Variants in GPRIN3 observed in about 807,000 individuals in gnomAD.
GPRIN3 encodes GPRIN family member 3.
GPRIN3 carries 12 observed loss-of-function variants against 13.7 expected under a neutral mutation model. The ratio of observed to expected loss-of-function variants is 0.87; its 90% CI spans 0.56 to 1.42. The LOEUF is 1.42. Among genes scored for constraint, GPRIN3 ranks in the 40% most tolerant of loss-of-function variants. The pLI, the probability that GPRIN3 is intolerant of heterozygous loss-of-function variation, is 0.00. For synonymous variants in GPRIN3, 377 were observed against 372.7 expected (o/e 1.01, Z -0.13); for missense variants, 1,009 against 958.7 (o/e 1.05, Z -0.69).
At chr4:89,257,881 A>C (rs1414037366) in intron 1 of GPRIN3, among the ~76,000 whole-genome samples, 1 of 152,080 alleles carries the variant, frequency 6.6e-6, no homozygotes, top group Non-Finnish European at 1.5e-5. Flanking sequence ...AAATCTTCAT[A>C]ATGATTAATC....
chr4:89,269,710 C>A lies in GPRIN3; in HGVS notation c.-123-19477G>T, dbSNP rs186590506. The stretch of plus-strand genomic sequence containing the variant: ...CAAACCTACTCAACTGTTGAAAAAA[C>A]CATGAGGATTGTGCAGTAGGAATTT... On this transcript the variant is annotated intron_variant, in intron 1 of 1. Coordinates refer to ENST00000609438, the MANE Select transcript of GPRIN3 (RefSeq NM_198281.3). Among the ~76,000 whole-genome samples, 302 of 152,220 alleles carry A rather than the reference C, an allele frequency of 2.0e-3. 12 individuals are homozygous for A. The South Asian group carries it at 0.056, about 28-fold the overall frequency.
intron 1 of GPRIN3, among the ~76,000 whole-genome samples, chr4:89,288,634 G>A (rs1724488680): frequency 6.6e-6 from 1 of 152,140 alleles, no homozygotes; most frequent in Non-Finnish European, 1.5e-5. Context: ...AAAACAATAT[G>A]CTCTTGTCAG....
Position 89,241,501 on chromosome 4 carries a change from C to T in GPRIN3, c.*6279G>A, listed in dbSNP as rs1722945595. On this transcript the variant is annotated 3_prime_UTR_variant, in exon 2 of 2. Coordinates refer to ENST00000609438, the MANE Select transcript of GPRIN3 (RefSeq NM_198281.3). ...CACATTAGTACAGCAGAGATACACA[C>T]ATTTAGAAAATTAGTAATTGCTAGT... The T allele has an allele frequency of 6.6e-6, 1 of 152,176 alleles. No individual in the cohort carries two copies. The highest frequency in any genetic ancestry group is 2.4e-5 in the African/African-American group (1 of 41,438). The allele number at this position is 152,176 out of a possible 1,614,324, so 9.4% of individuals were successfully genotyped here. A position where few individuals can be genotyped will look rare whatever the true frequency, so the allele number is the denominator to read the frequency against.
intron 1 of GPRIN3, among the ~76,000 whole-genome samples, chr4:89,271,529 T>C (rs889437724): frequency 6.6e-6 from 1 of 152,188 alleles, no homozygotes; most frequent in African/African-American, 2.4e-5. Context: ...CCAAATACAA[T>C]GTAAATGCTA....
chr4:89,290,945 A>G (rs1724554637), intron 1 of GPRIN3, among the ~76,000 whole-genome samples: 1 of 152,190 alleles, frequency 6.6e-6, no homozygotes, highest in South Asian at 2.1e-4. Flanking sequence ...TTTAGGCAAC[A>G]GAACTGTCAG....
intron 1 of GPRIN3, among the ~76,000 whole-genome samples, chr4:89,261,042 T>C (rs1723607970): frequency 6.6e-6 from 1 of 151,944 alleles, no homozygotes; most frequent in African/African-American, 2.4e-5. Flanking sequence ...CCTATAGAAG[T>C]ACAGAGGATT....
chr4:89,299,014 A>C (rs893782582), intron 1 of GPRIN3, among the ~76,000 whole-genome samples: 4 of 152,162 alleles, frequency 2.6e-5, no homozygotes, highest in African/African-American at 9.7e-5. Flanking sequence ...GGAATAGCAG[A>C]ACAGTTTCTT....
rs1025458522 is a variant in GPRIN3, at chr4:89,247,626, G to C, written c.*154C>G. ...GACATTTTTGTTTATAGAGCTCCAG[G>C]TCAAAGGATCTAACAATTTTTAATA... On this transcript the variant is annotated 3_prime_UTR_variant, in exon 2 of 2. Transcript: ENST00000609438. 41 of 646,134 alleles carry C rather than the reference G, an allele frequency of 6.3e-5. No homozygotes were observed. The African/African-American group carries it at 7.0e-4, about 11-fold the overall frequency. 40.0% of individuals were successfully genotyped at this position (646,134 alleles called of 1,614,324 possible).
At chr4:89,293,674 T>A (rs1379988648) in intron 1 of GPRIN3, among the ~76,000 whole-genome samples, 1 of 152,186 alleles carries the variant, frequency 6.6e-6, no homozygotes, top group East Asian at 1.9e-4. Context: ...TCCTGCAGGT[T>A]CTCCCTTGCT....
rs1723112184 is a variant in GPRIN3, at chr4:89,246,738, A to T, written c.*1042T>A. 1 of 152,186 alleles carries T rather than the reference A, an allele frequency of 6.6e-6. No individual in the cohort carries two copies. Among genetic ancestry groups the T allele is most frequent in the Admixed American group, 6.5e-5 (1 of 15,278 alleles). 9.4% of individuals were successfully genotyped at this position (152,186 alleles called of 1,614,324 possible). The stretch of plus-strand genomic sequence containing the variant: ...TTTGTTACTGGAAGTTACTGAACCC[A>T]ATTAAAAAAAATCACTAATTGCATC... On this transcript the variant is annotated 3_prime_UTR_variant, in exon 2 of 2. Coordinates refer to ENST00000609438, the MANE Select transcript of GPRIN3 (RefSeq NM_198281.3).
intron 1 of GPRIN3, among the ~76,000 whole-genome samples, chr4:89,283,527 C>T (rs940576500): frequency 1.3e-5 from 2 of 152,148 alleles, no homozygotes; most frequent in African/African-American, 4.8e-5. Context: ...TGCCAGTCCT[C>T]ACCTTCAGGA....
At chr4:89,258,788 C>T (rs935749831) in intron 1 of GPRIN3, among the ~76,000 whole-genome samples, 27 of 152,300 alleles carry the variant, frequency 1.8e-4, no homozygotes, top group African/African-American at 6.3e-4. Context: ...TGCCAAGGCG[C>T]CCTACGTCGG....
rs995633779 is a variant in GPRIN3 at position 89,237,755 on chromosome 4, AC to A, written c.*10024del. 4 of 152,202 alleles carry A rather than the reference AC, an allele frequency of 2.6e-5. No individual in the cohort carries two copies. The highest frequency in any genetic ancestry group is 9.7e-5 in the African/African-American group (4 of 41,446). 9.4% of individuals were successfully genotyped at this position (152,202 alleles called of 1,614,324 possible). ...ATCTTATATTGTTTACAAAAGGCAA[AC>A]CCTTCACAAGAAACAAGAGGTATTT... On this transcript the variant is annotated 3_prime_UTR_variant, in exon 2 of 2. Coordinates refer to ENST00000609438, the MANE Select transcript of GPRIN3 (RefSeq NM_198281.3).
In GPRIN3 at chr4:89,247,183, T is replaced by C. The variant is rs761135729; in HGVS notation, c.*597A>G. 1.3e-5 allele frequency: 2 copies of C among 152,246 alleles called. No individual in the cohort carries two copies. Among genetic ancestry groups the C allele is most frequent in the Non-Finnish European group, 2.9e-5 (2 of 68,046 alleles). The allele number at this position is 152,246 out of a possible 1,614,324, so 9.4% of individuals were successfully genotyped here. A position where few individuals can be genotyped will look rare whatever the true frequency, so the allele number is the denominator to read the frequency against. ...ATAAAAAGAGTTGTCTGCAGATGTTTATAAACATTAATTCATATTTCATAT... is the reference window on the plus strand; with the variant it reads ...ATAAAAAGAGTTGTCTGCAGATGTTCATAAACATTAATTCATATTTCATAT... On this transcript the variant is annotated 3_prime_UTR_variant, in exon 2 of 2. Coordinates refer to ENST00000609438, the MANE Select transcript of GPRIN3 (RefSeq NM_198281.3).
rs1161691609 is a variant in GPRIN3, at chr4:89,237,675, G to A, written c.*10105C>T. The stretch of plus-strand genomic sequence containing the variant: ...TTTATTTACAAGCCTCCCAGTTTAT[G>A]ATACTTTATTATAGCAGCCCAGATA... On this transcript the variant is annotated 3_prime_UTR_variant, in exon 2 of 2. Coordinates refer to ENST00000609438, the MANE Select transcript of GPRIN3 (RefSeq NM_198281.3). The A allele has an allele frequency of 6.6e-6, 1 of 152,146 alleles. No individual in the cohort carries two copies. Among genetic ancestry groups the A allele is most frequent in the African/African-American group, 2.4e-5 (1 of 41,428 alleles). The allele number at this position is 152,146 out of a possible 1,614,324, so 9.4% of individuals were successfully genotyped here.
chr4:89,292,843 C>T (rs911214157), intron 1 of GPRIN3, among the ~76,000 whole-genome samples: 39 of 152,308 alleles, frequency 2.6e-4, no homozygotes, highest in African/African-American at 9.1e-4. Flanking sequence ...TATAAACCTT[C>T]TGTAGCACCT....
chr4:89,250,338 C>T (rs1723294188), intron 1 of GPRIN3, 105 bp from the exon 2 acceptor site: 1 of 625,112 alleles, frequency 1.6e-6, no homozygotes, highest in Non-Finnish European at 2.4e-6. Flanking sequence ...CTTTTCTTCC[C>T]ATACCTGTTG....
chr4:89,248,445 T>C lies in GPRIN3; in HGVS notation c.1666A>G (p.Thr556Ala), dbSNP rs779785499. The change falls in exon 2 of 2, where the codon ACC becomes GCC. Residue 556 changes from threonine to alanine, a missense_variant. Coordinates refer to ENST00000609438, the MANE Select transcript of GPRIN3 (RefSeq NM_198281.3). ...VKEKESTGTDTSDAKTLLLNP... is the reference protein window; with the variant it reads ...VKEKESTGTDASDAKTLLLNP... ...AGCAGTAGGGTTTTGGCATCCGAGG[T>C]ATCAGTGCCAGTAGACTCTTTTTCT... 1.9e-6 allele frequency: 3 copies of C among 1,613,950 alleles called. No homozygotes were observed. Among genetic ancestry groups the C allele is most frequent in the Admixed American group, 3.3e-5 (2 of 59,986 alleles).
At chr4:89,299,588 G>C (rs1578117797) in intron 1 of GPRIN3, among the ~76,000 whole-genome samples, 1 of 152,130 alleles carries the variant, frequency 6.6e-6, no homozygotes, top group East Asian at 1.9e-4. Context: ...CATAGTAACG[G>C]AGCAGTTCTA....
Sources: gnomAD v4.1 joint callset for allele counts (sites outside exome capture counted in the v4.1 genomes callset) on GRCh38, gnomAD v4.1.1 for gene constraint, MANE v1.5 for transcripts, NCBI Gene and HGNC (gene_info 2026-07-23, HGNC 2026-07-21) for gene names.